The following GRID2 variants were observed in gnomAD, a reference collection of about 807,000 sequenced individuals.
The protein encoded by GRID2 is glutamate ionotropic receptor delta type subunit 2.
In GRID2, 33 loss-of-function variants were observed where a neutral mutation model predicts 114.8. That is an observed-to-expected ratio of 0.29 (90% confidence interval 0.22 to 0.38). The LOEUF (loss-of-function observed/expected upper bound fraction) is 0.38, where lower values mean the gene tolerates loss of function less well. GRID2 is among the 10% of genes least tolerant of loss of function. The pLI, the probability that GRID2 is intolerant of heterozygous loss-of-function variation, is 1.00. For synonymous variants in GRID2, 505 were observed against 449.9 expected (o/e 1.12, Z -1.55); for missense variants, 1,184 against 1,257.7 (o/e 0.94, Z 0.89).
chr4:92,693,755 A>G (rs559236392), intron 2 of GRID2, among the ~76,000 whole-genome samples: 3 of 152,348 alleles, frequency 2.0e-5, no homozygotes, highest in African/African-American at 4.8e-5. Flanking sequence ...TATTTTTCAA[A>G]TCAATTTCAT....
At chr4:93,614,464 A>G (rs1236073342) in intron 13 of GRID2, among the ~76,000 whole-genome samples, 1 of 152,224 alleles carries the variant, frequency 6.6e-6, no homozygotes, top group Non-Finnish European at 1.5e-5. Context: ...AATGCATCAG[A>G]TCAAAACCCA....
chr4:93,160,036 G>T (rs1737541084), intron 4 of GRID2, among the ~76,000 whole-genome samples: 1 of 151,746 alleles, frequency 6.6e-6, no homozygotes, highest in Admixed American at 6.6e-5. Flanking sequence ...AATGAGAATA[G>T]AATGAGTTAT....
At chr4:93,231,499 A>G (rs533745046) in intron 7 of GRID2, among the ~76,000 whole-genome samples, 62 of 152,170 alleles carry the variant, frequency 4.1e-4, no homozygotes, top group African/African-American at 1.5e-3. Flanking sequence ...TGTGGTAAAT[A>G]TAGGATACTG....
chr4:92,944,738 A>G (rs1553954890), intron 2 of GRID2, among the ~76,000 whole-genome samples: 2 of 152,252 alleles, frequency 1.3e-5, no homozygotes, highest in Non-Finnish European at 2.9e-5. Context: ...TTTTAAATCT[A>G]CATAAACTCG....
chr4:92,938,059 G>C (rs1750798163), intron 2 of GRID2, among the ~76,000 whole-genome samples: 1 of 146,668 alleles, frequency 6.8e-6, no homozygotes, highest in Non-Finnish European at 1.5e-5. Flanking sequence ...ATGAAATAAT[G>C]TTAGATTTTT....
intron 10 of GRID2, among the ~76,000 whole-genome samples, chr4:93,453,316 AAGAGAGAG>A (rs3044025): frequency 0.037 from 4,680 of 127,258 alleles, 118 homozygotes; most frequent in African/African-American, 0.089. Flanking sequence ...AGAGATGGGA[AAGAGAGAG>A]AGAGAGAGAG....
At chr4:93,700,102 G>A (rs1203229925) in intron 14 of GRID2, among the ~76,000 whole-genome samples, 1 of 152,076 alleles carries the variant, frequency 6.6e-6, no homozygotes, top group African/African-American at 2.4e-5. Flanking sequence ...CCCAAAGATA[G>A]TTTAAGGTCT....
At chr4:92,549,381 A>C (rs897820858) in intron 1 of GRID2, among the ~76,000 whole-genome samples, 5 of 152,128 alleles carry the variant, frequency 3.3e-5, no homozygotes, top group Non-Finnish European at 5.9e-5. Flanking sequence ...ATTCATATTT[A>C]GTCTTCTTCT....
At chr4:92,938,517 A>G (rs1473034233) in intron 2 of GRID2, among the ~76,000 whole-genome samples, 1 of 146,418 alleles carries the variant, frequency 6.8e-6, no homozygotes, top group Non-Finnish European at 1.5e-5. Context: ...TATAGTAACA[A>G]CCCTAGCTAT....
chr4:92,818,792 G>A (rs761818527), intron 2 of GRID2, among the ~76,000 whole-genome samples: 1 of 152,030 alleles, frequency 6.6e-6, no homozygotes, highest in Non-Finnish European at 1.5e-5. Context: ...TATACTCAAT[G>A]AATTTCTGCC....
chr4:93,307,906 C>T (rs1236262612), intron 8 of GRID2, among the ~76,000 whole-genome samples: 2 of 151,028 alleles, frequency 1.3e-5, no homozygotes, highest in East Asian at 1.9e-4. Context: ...TTTACAAACA[C>T]AAATACATAC....
chr4:92,629,800 T>C (rs1248256997), intron 2 of GRID2, among the ~76,000 whole-genome samples: 5 of 148,732 alleles, frequency 3.4e-5, no homozygotes, highest in Admixed American at 6.7e-5. Context: ...TCTTGTTCTT[T>C]ACTGGGAAGA....
intron 13 of GRID2, among the ~76,000 whole-genome samples, chr4:93,598,103 A>C (rs1025010855): frequency 1.3e-5 from 2 of 152,170 alleles, no homozygotes; most frequent in African/African-American, 2.4e-5. Flanking sequence ...CATGACAACT[A>C]TCCAAGTTAG....
intron 8 of GRID2, among the ~76,000 whole-genome samples, chr4:93,272,611 C>A (rs1434926402): frequency 1.3e-5 from 2 of 152,132 alleles, no homozygotes; most frequent in African/African-American, 4.8e-5. Flanking sequence ...CTATGTGAAG[C>A]CATTCACGTG....
intron 12 of GRID2, among the ~76,000 whole-genome samples, chr4:93,503,364 G>A (rs1330433261): frequency 6.6e-6 from 1 of 152,026 alleles, no homozygotes; most frequent in Admixed American, 6.6e-5. Flanking sequence ...TAGGGTACAT[G>A]TGCACAACGT....
In GRID2 at chr4:93,431,382, C is replaced by G. The variant is rs565064872; in HGVS notation, c.1545+8414C>G. Among the ~76,000 whole-genome samples, 23 of 151,938 alleles carry G rather than the reference C, an allele frequency of 1.5e-4. No individual in the cohort carries two copies. In the East Asian group the frequency reaches 4.5e-3, roughly 29 times the overall value. On this transcript the variant is annotated intron_variant, in intron 10 of 15. Coordinates refer to ENST00000282020, the MANE Select transcript of GRID2 (RefSeq NM_001510.4). ...TCACTGGGCTAATCTTAGGATGAAA[C>G]CCAGAGAAAGCTGTCACTTAAGAAT... is the stretch of plus-strand genomic sequence containing the variant.
At chr4:93,076,738 C>A (rs148576831) in intron 2 of GRID2, among the ~76,000 whole-genome samples, 7,461 of 151,604 alleles carry the variant, frequency 0.049, 276 homozygotes, top group East Asian at 0.14. Flanking sequence ...CTGCCTCAAC[C>A]TCCCAAGTAG....
At chr4:93,044,432 A>G (rs1000352022) in intron 2 of GRID2, among the ~76,000 whole-genome samples, 18 of 152,088 alleles carry the variant, frequency 1.2e-4, no homozygotes, top group African/African-American at 4.3e-4. Context: ...TGCAAAAGAG[A>G]TATTTCAGAA....
At chr4:92,516,144 G>A (rs534826490) in intron 1 of GRID2, among the ~76,000 whole-genome samples, 63 of 152,002 alleles carry the variant, frequency 4.1e-4, no homozygotes, top group South Asian at 1.9e-3. Flanking sequence ...AATGCTTAAC[G>A]TATGCTGCAG....
Sources: allele counts gnomAD v4.1 joint callset (sites outside exome capture counted in the v4.1 genomes callset), GRCh38; gene constraint gnomAD v4.1.1; transcripts MANE v1.5; gene names NCBI Gene and HGNC (gene_info 2026-07-23, HGNC 2026-07-21).